BRWD1: variants seen among roughly 807,000 people sequenced by gnomAD.
BRWD1 encodes bromodomain and WD repeat domain containing 1.
BRWD1 carries 82 observed loss-of-function variants against 251.2 expected under a neutral mutation model. The observed-to-expected ratio is 0.33, with a 90% CI of 0.27 to 0.39. The LOEUF is 0.39. Among genes scored for constraint, BRWD1 ranks in the 10% least tolerant of loss-of-function variants. The pLI is 1.00. For missense variants in BRWD1, 2,233 were observed against 2,711.6 expected (o/e 0.82, Z 3.92); for synonymous variants, 918 against 902.8 (o/e 1.02, Z -0.30).
chr21:39,226,241 T>C (rs1042751318), intron 27 of BRWD1, among the ~76,000 whole-genome samples: 1 of 152,184 alleles, frequency 6.6e-6, no homozygotes, highest in Non-Finnish European at 1.5e-5. Flanking sequence ...CTGGTAATCT[T>C]ATGTTAAGGC....
intron 21 of BRWD1, among the ~76,000 whole-genome samples, chr21:39,239,066 T>C (rs2033905353): frequency 6.6e-6 from 1 of 152,206 alleles, no homozygotes; most frequent in Admixed American, 6.5e-5. Flanking sequence ...AAGAGTTCTT[T>C]GTATATTGTG....
intron 37 of BRWD1, among the ~76,000 whole-genome samples, chr21:39,204,702 G>C (rs984322367): frequency 3.3e-5 from 5 of 152,194 alleles, no homozygotes; most frequent in Non-Finnish European, 7.3e-5. Context: ...CCATGGACTG[G>C]GACTGGGGCC....
At chr21:39,271,356 A>T (rs1184861800) in intron 13 of BRWD1, among the ~76,000 whole-genome samples, 3 of 151,614 alleles carry the variant, frequency 2.0e-5, no homozygotes. Context: ...GGGGTAGGGA[A>T]GGCCTAATGG....
At chr21:39,277,410 A>T (rs531776001) in intron 10 of BRWD1, 59 bp from the exon 11 acceptor site, 399 of 1,013,288 alleles carry the variant, frequency 3.9e-4, no homozygotes, top group Non-Finnish European at 5.3e-4. Context: ...TGAACAAATC[A>T]AATTTCCATA....
At chr21:39,298,376 T>G (rs748692553) in intron 5 of BRWD1, 56 bp downstream of exon 5, 1 of 1,466,748 alleles carries the variant, frequency 6.8e-7, no homozygotes, top group African/African-American at 1.4e-5. Flanking sequence ...ACTTCACAAT[T>G]ATAATAATTA....
rs1009130227 is a variant in BRWD1, at chr21:39,189,982, C to T, written c.*6277G>A. Reference sequence around the variant, plus strand: ...TACAAAGTCATTGAGTGCTTGAGGACTTGTTTTCCTGGAAGTGATTCCCTA... The same window carrying T: ...TACAAAGTCATTGAGTGCTTGAGGATTTGTTTTCCTGGAAGTGATTCCCTA... On this transcript the variant is annotated 3_prime_UTR_variant, in exon 41 of 41. Coordinates refer to ENST00000342449, the MANE Select transcript of BRWD1 (RefSeq NM_033656.4). 2 of 985,246 alleles carry T rather than the reference C, an allele frequency of 2.0e-6. No homozygotes were observed. Among genetic ancestry groups the T allele is most frequent in the Non-Finnish European group, 2.4e-6 (2 of 829,926 alleles). The allele number at this position is 985,246 out of a possible 1,614,324, so 61.0% of individuals were successfully genotyped here. A position where few individuals can be genotyped will look rare whatever the true frequency, so the allele number is the denominator to read the frequency against.
At chr21:39,246,281 G>A (rs1601374121) in intron 21 of BRWD1, among the ~76,000 whole-genome samples, 1 of 152,114 alleles carries the variant, frequency 6.6e-6, no homozygotes. Context: ...CAACATTACT[G>A]GTCATTAGGG....
At chr21:39,315,750 A>T (rs897286788), upstream of BRWD1, 3 of 147,442 alleles carry the variant, frequency 2.0e-5, no homozygotes, top group African/African-American at 7.8e-5. Context: ...TGGAGATTAA[A>T]AAAAAAAAAG....
At position 39,195,143 on chromosome 21, in the gene BRWD1, A is replaced by G; in HGVS notation, c.*1116T>C. The stretch of plus-strand genomic sequence containing the variant: ...CTTATATTTGGACTAGAAGTCACTA[A>G]TAAAGATACATTTAGTTGCCCCAGC... On this transcript the variant is annotated 3_prime_UTR_variant, in exon 41 of 41. Transcript: ENST00000342449. 9.0e-7 allele frequency: 1 copy of G among 1,105,892 alleles called. No homozygotes were observed. The highest frequency in any genetic ancestry group is 1.1e-6 in the Non-Finnish European group (1 of 905,686). 68.5% of individuals were successfully genotyped at this position (1,105,892 alleles called of 1,614,324 possible). A position where few individuals can be genotyped will look rare whatever the true frequency, so the allele number is the denominator to read the frequency against.
chr21:39,224,452 A>G lies in BRWD1; in HGVS notation c.3338T>C (p.Ile1113Thr), dbSNP rs764831545. ...CYIVRWDNTE[I>T]EKLSPWDMEP... ...CATGTCCCATGGGCTAAGTTTTTCAATTTCAGTATTATCCCACCTGTTAAA... is the reference window on the plus strand; with the variant it reads ...CATGTCCCATGGGCTAAGTTTTTCAGTTTCAGTATTATCCCACCTGTTAAA... Residue 1113 changes from isoleucine to threonine, a missense_variant, in exon 29 of 41, where the codon ATT becomes ACT. Physicochemically the swap from Ile to Thr is moderately conservative, Grantham distance 89. Coordinates refer to ENST00000342449, the MANE Select transcript of BRWD1 (RefSeq NM_033656.4). 1.2e-6 allele frequency: 2 copies of G among 1,600,860 alleles called. No individual in the cohort carries two copies. Among genetic ancestry groups the G allele is most frequent in the South Asian group, 2.3e-5 (2 of 88,644 alleles).
chr21:39,264,728 C>A (rs1345697617), intron 16 of BRWD1, 43 bp from the exon 17 acceptor site: 1 of 1,515,730 alleles, frequency 6.6e-7, no homozygotes, highest in African/African-American at 1.4e-5. Flanking sequence ...AAGGTTCACA[C>A]ATTTTAAAGG....
At chr21:39,257,689 G>A (rs954686339) in intron 18 of BRWD1, among the ~76,000 whole-genome samples, 5 of 151,958 alleles carry the variant, frequency 3.3e-5, no homozygotes, top group African/African-American at 9.7e-5. Flanking sequence ...ACTGTATTAT[G>A]GTTATGTAAG....
At chr21:39,258,219 C>A (rs2034623808) in intron 18 of BRWD1, among the ~76,000 whole-genome samples, 1 of 151,924 alleles carries the variant, frequency 6.6e-6, no homozygotes, top group Non-Finnish European at 1.5e-5. Flanking sequence ...TTTTAAAAAC[C>A]AATCTGTTAT....
chr21:39,281,722 G>A (rs1020573330), intron 8 of BRWD1, among the ~76,000 whole-genome samples: 3 of 152,032 alleles, frequency 2.0e-5, no homozygotes, highest in Non-Finnish European at 1.5e-5. Flanking sequence ...ATAAAAAGTA[G>A]GCAGGAGTGG....
chr21:39,319,748 A>G (rs75462765), intron 1 of BRWD1, among the ~76,000 whole-genome samples: 2,171 of 152,206 alleles, frequency 0.014, 49 homozygotes, highest in African/African-American at 0.049. Context: ...ATATAAGAAT[A>G]ATTCTTTTTC....
At chr21:39,281,448 G>A (rs1397498156) in intron 8 of BRWD1, among the ~76,000 whole-genome samples, 5 of 152,194 alleles carry the variant, frequency 3.3e-5, no homozygotes, top group African/African-American at 7.2e-5. Context: ...TAATCCCAGC[G>A]CTTTGTGGGG....
At chr21:39,263,042 C>T (rs903359368) in intron 17 of BRWD1, among the ~76,000 whole-genome samples, 1 of 151,890 alleles carries the variant, frequency 6.6e-6, no homozygotes, top group African/African-American at 2.4e-5. Context: ...CTTGACCCTC[C>T]TGCAGTCAGC....
chr21:39,246,611 T>C (rs1311513254), intron 21 of BRWD1, among the ~76,000 whole-genome samples: 4 of 152,124 alleles, frequency 2.6e-5, no homozygotes, highest in South Asian at 4.1e-4. Context: ...ACAATACAAA[T>C]GTCCATCAAC....
At chr21:39,264,732 T>C (rs2034866600) in intron 16 of BRWD1, 47 bp from the exon 17 acceptor site, 2 of 1,509,960 alleles carry the variant, frequency 1.3e-6, no homozygotes, top group African/African-American at 2.8e-5. Context: ...TTCACACATT[T>C]TAAAGGAAAC....
Sources: gnomAD v4.1 joint callset for allele counts (sites outside exome capture counted in the v4.1 genomes callset) on GRCh38, gnomAD v4.1.1 for gene constraint, MANE v1.5 for transcripts, NCBI Gene and HGNC (gene_info 2026-07-23, HGNC 2026-07-21) for gene names.